NAA25: variants seen among roughly 807,000 people sequenced by gnomAD.
NAA25 encodes N-alpha-acetyltransferase 25, NatB auxiliary subunit.
NAA25 carries 30 observed loss-of-function variants against 132.5 expected under a neutral mutation model. The observed-to-expected ratio is 0.23, with a 90% CI of 0.17 to 0.31. NAA25 has a LOEUF of 0.31. NAA25 is among the 10% of genes least tolerant of loss of function. NAA25 has a pLI of 1.00. For missense variants in NAA25, 771 were observed against 1,150.4 expected, an observed-to-expected ratio of 0.67 and a Z score of 4.77; for synonymous variants, 359 against 401.9, an observed-to-expected ratio of 0.89 and a Z score of 1.28.
At chr12:112,105,930 G>A (rs1023057176) in intron 1 of NAA25, among the ~76,000 whole-genome samples, 1 of 152,174 alleles carries the variant, frequency 6.6e-6, no homozygotes, top group African/African-American at 2.4e-5. Flanking sequence ...TGAATTTTTG[G>A]CTGGTGGGCA....
chr12:112,083,014 G>A (rs965471084), intron 4 of NAA25, among the ~76,000 whole-genome samples: 2 of 152,122 alleles, frequency 1.3e-5, no homozygotes, highest in South Asian at 2.1e-4. Context: ...TTGTTGTAAG[G>A]TATTAAAAAA....
intron 11 of NAA25, among the ~76,000 whole-genome samples, chr12:112,062,722 G>A (rs908114532): frequency 6.7e-6 from 1 of 149,608 alleles, no homozygotes; most frequent in African/African-American, 2.5e-5. Context: ...GTGAAACTCC[G>A]TATTAAAAAA....
chr12:112,066,678 T>G (rs1356406667), intron 11 of NAA25, among the ~76,000 whole-genome samples: 1 of 152,208 alleles, frequency 6.6e-6, no homozygotes, highest in Non-Finnish European at 1.5e-5. Flanking sequence ...TCCAGAAACT[T>G]CTAGGCTTGG....
chr12:112,026,925 TCAA>T lies in NAA25; in HGVS notation c.*2603_*2605del, dbSNP rs2078094274. 1 of 152,626 alleles carries T rather than the reference TCAA, an allele frequency of 6.6e-6. No homozygotes were observed. The highest frequency in any genetic ancestry group is 2.4e-5 in the African/African-American group (1 of 41,464). 9.5% of individuals were successfully genotyped at this position (152,626 alleles called of 1,614,324 possible). On this transcript the variant is annotated 3_prime_UTR_variant, in exon 24 of 24. Transcript: ENST00000261745. ...GTGATTGCAAAATATAATGCAATTT[TCAA>T]CAATTAAAATTATGAAAATATACAA... is the stretch of plus-strand genomic sequence containing the variant.
At chr12:112,087,900 T>C in intron 3 of NAA25, 99 bp from the exon 4 acceptor site, 1 of 746,582 alleles carries the variant, frequency 1.3e-6, no homozygotes, top group Admixed American at 2.2e-5. Flanking sequence ...CTCCTATCAT[T>C]ATAGAAGAAG....
At chr12:112,053,514 A>G in intron 15 of NAA25, 44 bp downstream of exon 15, 1 of 1,341,218 alleles carries the variant, frequency 7.5e-7, no homozygotes, top group Non-Finnish European at 1.1e-6. Flanking sequence ...AATAGTGTGC[A>G]GTCAGCAGAC....
Position 112,027,325 on chromosome 12 carries a change from A to AT in NAA25, c.*2205dup, listed in dbSNP as rs927186877. On this transcript the variant is annotated 3_prime_UTR_variant, in exon 24 of 24. Transcript: ENST00000261745. ...CATGTAAGAATATATATATATATATATTTTTTTAACTGTACACAATTTATA... is the reference window on the plus strand; with the variant it reads ...CATGTAAGAATATATATATATATATATTTTTTTTAACTGTACACAATTTATA... 5.6e-4 allele frequency: 84 copies of AT among 149,518 alleles called. No homozygotes were observed. The East Asian group carries it at 6.8e-3, about 12-fold the overall frequency. The allele number at this position is 149,518 out of a possible 1,614,324, so 9.3% of individuals were successfully genotyped here.
At chr12:112,080,294 A>AAAAAAAAAC (rs2078954013) in intron 5 of NAA25, among the ~76,000 whole-genome samples, 1 of 149,944 alleles carries the variant, frequency 6.7e-6, no homozygotes. Context: ...AAAAAAAAAA[A>AAAAAAAAAC]AAAAAACCCA....
At chr12:112,084,512 G>A (rs1425137942) in intron 4 of NAA25, among the ~76,000 whole-genome samples, 3 of 152,138 alleles carry the variant, frequency 2.0e-5, no homozygotes, top group East Asian at 1.9e-4. Flanking sequence ...AGGCGTGGGC[G>A]GGGCACAGTG....
chr12:112,033,402 G>A (rs758153744), intron 22 of NAA25, 23 bp from the exon 23 acceptor site: 1 of 1,585,704 alleles, frequency 6.3e-7, no homozygotes. Flanking sequence ...TTAAAAAAGA[G>A]TTGAAACATT....
intron 1 of NAA25, among the ~76,000 whole-genome samples, chr12:112,102,187 A>G (rs1257041419): frequency 6.6e-6 from 1 of 152,000 alleles, no homozygotes; most frequent in African/African-American, 2.4e-5. Context: ...GTGAAACTCC[A>G]TCTCAAAAAA....
At chr12:112,069,215 T>TA (rs994779322) in intron 10 of NAA25, 9 of 437,550 alleles carry the variant, frequency 2.1e-5, no homozygotes, top group African/African-American at 4.0e-5. Flanking sequence ...CTTTAAAAGA[T>TA]AAAAAAATAG....
In NAA25 at chr12:112,049,384, G is replaced by T; in HGVS notation, c.1729-941C>A. On this transcript the variant is annotated intron_variant, in intron 15 of 23. Coordinates refer to ENST00000261745, the MANE Select transcript of NAA25 (RefSeq NM_024953.4). The surrounding 1 kb of genome is among the most constrained non-coding windows in gnomAD (Gnocchi z 4.7). ...AAAAAGATCCTTTCTAGAAAAAACA[G>T]TCTTTTTACACAGCCTCAGTTAATC... The T allele has an allele frequency of 1.1e-6, 1 of 905,798 alleles. No individual in the cohort carries two copies. Among genetic ancestry groups the T allele is most frequent in the Non-Finnish European group, 1.3e-6 (1 of 757,270 alleles). 56.1% of individuals were successfully genotyped at this position (905,798 alleles called of 1,614,324 possible).
At chr12:112,033,668 GA>G (rs1252496713) in intron 22 of NAA25, 1 of 198,978 alleles carries the variant, frequency 5.0e-6, no homozygotes, top group East Asian at 1.1e-4. Context: ...ACTGACAGCT[GA>G]AAAACCCTTT....
At chr12:112,040,742 G>C (rs185135445) in intron 20 of NAA25, among the ~76,000 whole-genome samples, 164 bp from the exon 21 acceptor site, 1 of 152,254 alleles carries the variant, frequency 6.6e-6, no homozygotes, top group Non-Finnish European at 1.5e-5. Context: ...ACTATCCATT[G>C]TAAGTTCTTT....
chr12:112,107,137 G>A (rs2079374062), intron 1 of NAA25, among the ~76,000 whole-genome samples: 1 of 152,010 alleles, frequency 6.6e-6, no homozygotes, highest in Non-Finnish European at 1.5e-5. Context: ...GCGTGCAACT[G>A]TAATCTCAGC....
intron 17 of NAA25, among the ~76,000 whole-genome samples, chr12:112,046,605 T>C (rs1245670773): frequency 6.6e-6 from 1 of 152,242 alleles, no homozygotes; most frequent in African/African-American, 2.4e-5. Flanking sequence ...ATCTGCCAAA[T>C]TAAATGGTAT....
chr12:112,080,298 A>C (rs1326888713), intron 5 of NAA25, among the ~76,000 whole-genome samples: 2 of 151,020 alleles, frequency 1.3e-5, no homozygotes, highest in Admixed American at 1.3e-4. Flanking sequence ...AAAAAAAAAA[A>C]AACCCAAAAA....
chr12:112,042,004 A>T, intron 20 of NAA25, 35 bp downstream of exon 20: 1 of 1,260,468 alleles, frequency 7.9e-7, no homozygotes, highest in Middle Eastern at 1.9e-4. Flanking sequence ...ATACAACCAG[A>T]TACAAATACA....
Sources: allele counts gnomAD v4.1 joint callset (sites outside exome capture counted in the v4.1 genomes callset), GRCh38; gene constraint gnomAD v4.1.1; non-coding constraint Gnocchi (gnomAD v3.1); transcripts MANE v1.5; gene names NCBI Gene and HGNC (gene_info 2026-07-23, HGNC 2026-07-21).